SLC35F3: variants seen among roughly 807,000 people sequenced by gnomAD.
The protein encoded by SLC35F3 is solute carrier family 35 member F3.
In SLC35F3, 25 loss-of-function variants were observed where a neutral mutation model predicts 49.9. That is an observed-to-expected ratio of 0.50 (90% confidence interval 0.37 to 0.70). The LOEUF (loss-of-function observed/expected upper bound fraction) is 0.70, where lower values mean the gene tolerates loss of function less well. Among genes scored for constraint, SLC35F3 ranks in the 30% least tolerant of loss-of-function variants. The pLI is 0.00. For synonymous variants in SLC35F3, 275 were observed against 265.4 expected (o/e 1.04, Z -0.35); for missense variants, 525 against 639.8 (o/e 0.82, Z 1.94).
chr1:234,212,040 A>T (rs948912741), intron 2 of SLC35F3, among the ~76,000 whole-genome samples: 3 of 152,034 alleles, frequency 2.0e-5, no homozygotes, highest in Admixed American at 2.0e-4. Context: ...TATAAGGGGG[A>T]GTTTCCCTGC....
chr1:234,021,230 G>A (rs1379744698), intron 2 of SLC35F3, among the ~76,000 whole-genome samples: 2 of 152,134 alleles, frequency 1.3e-5, no homozygotes, highest in Non-Finnish European at 2.9e-5. Flanking sequence ...CTAGCAAATT[G>A]GTACAGGTTG....
At chr1:234,129,681 C>T (rs10910348) in intron 2 of SLC35F3, among the ~76,000 whole-genome samples, 13,158 of 152,150 alleles carry the variant, frequency 0.086, 836 homozygotes, top group African/African-American at 0.18. Context: ...TATAAATTTA[C>T]GCTAATTAGG....
intron 2 of SLC35F3, among the ~76,000 whole-genome samples, chr1:234,086,243 T>C (rs182576009): frequency 6.7e-4 from 102 of 152,314 alleles, no homozygotes; most frequent in Non-Finnish European, 1.2e-3. Flanking sequence ...AAGAACTGTG[T>C]TTGAAAACAA....
intron 2 of SLC35F3, among the ~76,000 whole-genome samples, chr1:234,086,510 G>A (rs956443278): frequency 1.3e-5 from 2 of 152,104 alleles, no homozygotes; most frequent in South Asian, 2.1e-4. Flanking sequence ...TGCTAATATC[G>A]AAAAGACAGA....
intron 4 of SLC35F3, among the ~76,000 whole-genome samples, chr1:234,309,869 C>T (rs1163834713): frequency 2.0e-5 from 3 of 152,248 alleles, no homozygotes; most frequent in African/African-American, 7.2e-5. Flanking sequence ...GAAGGGCCAG[C>T]TTCACTTCCT....
intron 2 of SLC35F3, among the ~76,000 whole-genome samples, chr1:234,053,998 T>C: frequency 6.6e-6 from 1 of 152,240 alleles, no homozygotes; most frequent in East Asian, 1.9e-4. Context: ...GTAGAGTTTC[T>C]GCTGAGAGAT....
intron 3 of SLC35F3, among the ~76,000 whole-genome samples, chr1:234,246,160 G>C (rs1340734597): frequency 6.6e-6 from 1 of 152,188 alleles, no homozygotes; most frequent in Non-Finnish European, 1.5e-5. Context: ...GTGTTACTGG[G>C]CTAGGAAAGG....
chr1:234,182,714 A>G (rs553892781), intron 2 of SLC35F3, among the ~76,000 whole-genome samples: 1 of 152,192 alleles, frequency 6.6e-6, no homozygotes, highest in Non-Finnish European at 1.5e-5. Context: ...ATTTCCCCAC[A>G]GCATTGCTAA....
At chr1:234,071,952 C>G (rs1028512831) in intron 2 of SLC35F3, among the ~76,000 whole-genome samples, 3 of 152,068 alleles carry the variant, frequency 2.0e-5, no homozygotes, top group Middle Eastern at 3.2e-3. Context: ...CTGGCCTGGA[C>G]AGAAAAAGGA....
intron 2 of SLC35F3, among the ~76,000 whole-genome samples, chr1:234,117,117 G>T (rs1243981423): frequency 6.6e-6 from 1 of 152,150 alleles, no homozygotes; most frequent in Non-Finnish European, 1.5e-5. Context: ...TTTTACCTTA[G>T]AGCATCTATG....
At chr1:234,312,074 C>A (rs1264413583) in intron 4 of SLC35F3, among the ~76,000 whole-genome samples, 1 of 152,184 alleles carries the variant, frequency 6.6e-6, no homozygotes, top group African/African-American at 2.4e-5. Context: ...CAGCCCAATT[C>A]TCTTGTTGGT....
chr1:233,905,010 A>T lies in SLC35F3; in HGVS notation c.-68A>T. On this transcript the variant is annotated 5_prime_UTR_variant, in exon 1 of 8. Coordinates refer to ENST00000366618, the MANE Select transcript of SLC35F3 (RefSeq NM_173508.4). ...CCAGTCTTCCCAGGCTAGCGGCTGCAGGGAGCTCCGGCCCGCGGCCCCTCC... is the reference window on the plus strand; with the variant it reads ...CCAGTCTTCCCAGGCTAGCGGCTGCTGGGAGCTCCGGCCCGCGGCCCCTCC... 2 of 1,501,428 alleles carry T rather than the reference A, an allele frequency of 1.3e-6. No individual in the cohort carries two copies. The highest frequency in any genetic ancestry group is 9.0e-7 in the Non-Finnish European group (1 of 1,106,008). The allele number at this position is 1,501,428 out of a possible 1,614,324, so 93.0% of individuals were successfully genotyped here.
chr1:234,097,382 C>T (rs2102880171), intron 2 of SLC35F3, among the ~76,000 whole-genome samples: 1 of 152,232 alleles, frequency 6.6e-6, no homozygotes, highest in Non-Finnish European at 1.5e-5. Context: ...ATTTATTGAG[C>T]ACCTACCTTG....
At chr1:234,270,967 G>T (rs1342291182) in intron 3 of SLC35F3, among the ~76,000 whole-genome samples, 1 of 152,164 alleles carries the variant, frequency 6.6e-6, no homozygotes, top group African/African-American at 2.4e-5. Context: ...GGAAAACATG[G>T]CCTCTTCTGG....
Position 234,214,392 on chromosome 1 carries a change from C to T in SLC35F3, c.284-17025C>T, listed in dbSNP as rs907668287. Reference sequence around the variant, plus strand: ...GAGAGGGGCGAGCCGCTGGTGCTCCCCGGCGGCAGAGGGCCGCGTCGGCCA... The same window carrying T: ...GAGAGGGGCGAGCCGCTGGTGCTCCTCGGCGGCAGAGGGCCGCGTCGGCCA... On this transcript the variant is annotated intron_variant, in intron 2 of 7. Transcript: ENST00000366618. This position sits in a 1 kb window ranked among gnomAD's most constrained non-coding sequence, Gnocchi z 8.0. 73 of 1,368,472 alleles carry T rather than the reference C, an allele frequency of 5.3e-5. No homozygotes were observed. Among genetic ancestry groups the T allele is most frequent in the Admixed American group, 3.8e-5 (1 of 26,236 alleles). 84.8% of individuals were successfully genotyped at this position (1,368,472 alleles called of 1,614,324 possible). A position where few individuals can be genotyped will look rare whatever the true frequency, so the allele number is the denominator to read the frequency against.
Position 233,905,111 on chromosome 1 carries a change from A to G in SLC35F3, c.34A>G (p.Arg12Gly). 1.3e-6 allele frequency: 2 copies of G among 1,561,628 alleles called. No homozygotes were observed. The highest frequency in any genetic ancestry group is 2.4e-5 in the East Asian group (1 of 42,552). Residue 12 changes from arginine (R) to glycine (G), a missense_variant, in exon 1 of 8, where the codon AGG becomes GGG. Coordinates refer to ENST00000366618, the MANE Select transcript of SLC35F3 (RefSeq NM_173508.4). Reference protein sequence around the residue: ...GIREFPSGAPRGKSIAVGMRR... With the variant: ...GIREFPSGAPGGKSIAVGMRR... Reference sequence around the variant, plus strand: ...TCGAGAGTTTCCCAGCGGCGCACCCAGGGGCAAGAGCATTGCCGTGTGAGT... The same window carrying G: ...TCGAGAGTTTCCCAGCGGCGCACCCGGGGGCAAGAGCATTGCCGTGTGAGT...
At chr1:234,094,558 G>A (rs1665090063) in intron 2 of SLC35F3, among the ~76,000 whole-genome samples, 1 of 152,190 alleles carries the variant, frequency 6.6e-6, no homozygotes, top group Non-Finnish European at 1.5e-5. Flanking sequence ...CATGGAAACA[G>A]CATGTGATTG....
At chr1:233,980,646 C>G (rs984494489) in intron 2 of SLC35F3, among the ~76,000 whole-genome samples, 3 of 152,116 alleles carry the variant, frequency 2.0e-5, no homozygotes, top group African/African-American at 7.2e-5. Flanking sequence ...TTGAAATAAG[C>G]TGAGAATTTC....
At chr1:234,142,495 G>A (rs1572067602) in intron 2 of SLC35F3, among the ~76,000 whole-genome samples, 1 of 152,190 alleles carries the variant, frequency 6.6e-6, no homozygotes, top group Non-Finnish European at 1.5e-5. Context: ...GGGTTTCGGG[G>A]TGCAGAGCAG....
Sources: gnomAD v4.1 joint callset for allele counts (sites outside exome capture counted in the v4.1 genomes callset) on GRCh38, gnomAD v4.1.1 for gene constraint, Gnocchi (gnomAD v3.1) non-coding constraint, MANE v1.5 for transcripts, NCBI Gene and HGNC (gene_info 2026-07-23, HGNC 2026-07-21) for gene names.